The following HAUS7 variants were observed in gnomAD, a reference collection of about 807,000 sequenced individuals.
HAUS7 encodes the protein HAUS augmin-like complex subunit 7.
In HAUS7, 3 loss-of-function variants were observed where a neutral mutation model predicts 28.4. The ratio of observed to expected loss-of-function variants is 0.11; its 90% CI spans 0.05 to 0.27. The LOEUF is 0.27. Ranked by LOEUF, HAUS7 falls within the 10% of genes least tolerant of loss-of-function variation. The probability of loss-of-function intolerance (pLI) is 1.00; values close to 1 mark genes in which losing one functional copy is unlikely to be tolerated. For synonymous variants in HAUS7, 165 were observed against 132.1 expected (o/e 1.25, Z -1.71); for missense variants, 284 against 297.3 (o/e 0.96, Z 0.33).
intron 8 of HAUS7, chrX:153,454,887 C>G: frequency 1.9e-6 from 2 of 1,031,728 alleles, no homozygotes; most frequent in Non-Finnish European, 2.6e-6. Context: ...CATCCCTGAT[C>G]GAGGGGTCTC....
At chrX:153,464,308 C>G (rs1556983938) in intron 3 of HAUS7, among the ~76,000 whole-genome samples, 1 of 112,777 alleles carries the variant, frequency 8.9e-6, no homozygotes, top group Non-Finnish European at 1.9e-5. Context: ...AAGGGCAGTG[C>G]CTCTGTGTGG....
intron 9 of HAUS7, among the ~76,000 whole-genome samples, chrX:153,450,278 G>A (rs782313258): frequency 1.5e-4 from 17 of 112,764 alleles, no homozygotes; most frequent in African/African-American, 4.2e-4. Context: ...GCTGGGAGCC[G>A]CTCAGGCTCT....
At chrX:153,453,672 GAA>G (rs1308668270) in intron 9 of HAUS7, among the ~76,000 whole-genome samples, 1 of 110,609 alleles carries the variant, frequency 9.0e-6, no homozygotes, top group Non-Finnish European at 1.9e-5. Flanking sequence ...ATCAATGAGA[GAA>G]AGAGTGATTT....
chrX:153,467,253 A>T (rs1338058788), intron 2 of HAUS7, among the ~76,000 whole-genome samples: 3 of 111,583 alleles, frequency 2.7e-5, no homozygotes, highest in Non-Finnish European at 5.7e-5. Flanking sequence ...GCCATCTGCC[A>T]CTCAGCGCAG....
At chrX:153,492,096 C>T (rs2089674876) in intron 1 of HAUS7, among the ~76,000 whole-genome samples, 1 of 112,645 alleles carries the variant, frequency 8.9e-6, no homozygotes, top group South Asian at 3.7e-4. Context: ...TCCCTGAGGG[C>T]CTCAGGAAAT....
chrX:153,472,483 T>A (rs892266307), upstream of HAUS7, among the ~76,000 whole-genome samples: 192 of 79,155 alleles, frequency 2.4e-3, no homozygotes, highest in Non-Finnish European at 3.8e-3. Context: ...TCATAGCACC[T>A]CCCAGGCATC....
chrX:153,492,311 G>T lies in HAUS7; in HGVS notation c.-589+3063C>A, dbSNP rs782029056. ...GCAGAGAGAGCCCAGGCCTGAGGAG[G>T]GGGGAGTGGGAGGGGGAGCAGAAGG... On this transcript the variant is annotated intron_variant, in intron 1 of 5. Transcript: ENST00000370210. Among the ~76,000 whole-genome samples the T allele has an allele frequency of 2.6e-3, 298 of 112,482 alleles. 2 individuals are homozygous for T. Among genetic ancestry groups the T allele is most frequent in the African/African-American group, 8.9e-3 (276 of 30,968 alleles).
chrX:153,456,766 G>A, intron 5 of HAUS7, 115 bp from the exon 6 acceptor site: 3 of 590,489 alleles, frequency 5.1e-6, no homozygotes, highest in Admixed American at 3.9e-5. Context: ...CAGAGGCCAG[G>A]ACAAGCCCCA....
chrX:153,456,910 C>T, intron 5 of HAUS7: 1 of 441,142 alleles, frequency 2.3e-6, no homozygotes. Flanking sequence ...CACATCCCAC[C>T]TTCATACTCA....
At chrX:153,448,944 G>T in intron 9 of HAUS7, among the ~76,000 whole-genome samples, 1 of 112,020 alleles carries the variant, frequency 8.9e-6, no homozygotes. Flanking sequence ...TCAGTGGCAC[G>T]TTCAGTATTA....
intron 4 of HAUS7, chrX:153,462,275 G>A (rs1044028731): frequency 3.0e-6 from 2 of 677,222 alleles, no homozygotes; most frequent in Non-Finnish European, 3.5e-6. Flanking sequence ...GGAGCCAGGC[G>A]CCGGGATGAA....
intron 2 of HAUS7, among the ~76,000 whole-genome samples, chrX:153,465,503 G>C (rs1436760658): frequency 9.0e-6 from 1 of 111,519 alleles, no homozygotes; most frequent in Non-Finnish European, 1.9e-5. Context: ...CTTCCCACCC[G>C]GCCCTCTGCA....
At chrX:153,469,996 T>C (rs1474597408) in intron 1 of HAUS7, among the ~76,000 whole-genome samples, 3 of 111,374 alleles carry the variant, frequency 2.7e-5, no homozygotes, top group African/African-American at 9.8e-5. Flanking sequence ...GTGAGGGCTC[T>C]GTCCTGTGGG....
At chrX:153,480,314 G>T (rs1474309406) in intron 1 of HAUS7, among the ~76,000 whole-genome samples, 1 of 110,910 alleles carries the variant, frequency 9.0e-6, no homozygotes, top group Non-Finnish European at 1.9e-5. Context: ...GCCCTAATGG[G>T]CCTAGAGCGC....
upstream of HAUS7, among the ~76,000 whole-genome samples, chrX:153,472,824 G>T (rs1208842260): frequency 9.2e-6 from 1 of 108,201 alleles, no homozygotes; most frequent in African/African-American, 3.4e-5. Flanking sequence ...GGCCTGGGTG[G>T]GTCAGGAGCC....
chrX:153,457,360 C>T (rs2089328084), intron 4 of HAUS7, 132 bp from the exon 5 acceptor site: 2 of 471,336 alleles, frequency 4.2e-6, no homozygotes, highest in African/African-American at 2.4e-5. Context: ...GGCCCATCAA[C>T]GACCCTGTGC....
chrX:153,455,555 G>A lies in HAUS7; in HGVS notation c.917C>T (p.Thr306Ile). The A allele has an allele frequency of 2.5e-6, 3 of 1,198,645 alleles. No individual in the cohort carries two copies. Among genetic ancestry groups the A allele is most frequent in the Middle Eastern group, 2.8e-4 (1 of 3,602 alleles). ...PIIQATHQNLTSYSQLLQVVM... is the reference protein window; with the variant it reads ...PIIQATHQNLISYSQLLQVVM... ...GGGCACCCTTACTTGGCTGTAGGAA[G>A]TCAGATTCTGGTGCGTGGCCTGGAT... Residue 306 changes from threonine (T) to isoleucine (I), a missense_variant, in exon 8 of 10, where the codon ACT becomes ATT. Thr to Ile is a moderately conservative substitution (Grantham distance 89, BLOSUM62 -1). Coordinates refer to ENST00000370211, the MANE Select transcript of HAUS7 (RefSeq NM_001385482.1).
intron 1 of HAUS7, chrX:153,483,285 A>G: frequency 1.3e-6 from 1 of 753,442 alleles, no homozygotes; most frequent in Non-Finnish European, 1.6e-6. Flanking sequence ...CCTCACCCCA[A>G]CCCCTGACCC....
intron 1 of HAUS7, among the ~76,000 whole-genome samples, chrX:153,488,797 C>T (rs2089654401): frequency 8.9e-6 from 1 of 112,922 alleles, no homozygotes; most frequent in Non-Finnish European, 1.9e-5. Context: ...CTGGGTGAGT[C>T]CCCGACATCT....
Sources: gnomAD v4.1 joint callset for allele counts (sites outside exome capture counted in the v4.1 genomes callset) on GRCh38, gnomAD v4.1.1 for gene constraint, MANE v1.5 for transcripts, NCBI Gene and HGNC (gene_info 2026-07-23, HGNC 2026-07-21) for gene names.